Variants in TRAPPC10 observed in about 807,000 individuals in gnomAD.
TRAPPC10 encodes TRAPP 130 kDa subunit.
TRAPPC10 carries 23 observed loss-of-function variants against 125.5 expected under a neutral mutation model. The observed-to-expected ratio is 0.18, with a 90% CI of 0.13 to 0.26. The LOEUF (loss-of-function observed/expected upper bound fraction) is 0.26, where lower values mean the gene tolerates loss of function less well. Among genes scored for constraint, TRAPPC10 ranks in the 10% least tolerant of loss-of-function variants. The pLI is 1.00. For missense variants in TRAPPC10, 1,123 were observed against 1,308.4 expected, an observed-to-expected ratio of 0.86 and a Z score of 2.19; for synonymous variants, 509 against 518.0, an observed-to-expected ratio of 0.98 and a Z score of 0.24.
chr21:44,070,564 T>C (rs555768763), intron 7 of TRAPPC10, among the ~76,000 whole-genome samples: 234 of 152,356 alleles, frequency 1.5e-3, no homozygotes, highest in Admixed American at 2.4e-3. Context: ...GATGCCACCA[T>C]AGAGGCATGG....
intron 1 of TRAPPC10, among the ~76,000 whole-genome samples, chr21:44,022,822 C>A (rs935564854): frequency 1.3e-5 from 2 of 151,722 alleles, no homozygotes; most frequent in Non-Finnish European, 2.9e-5. Context: ...GTCCCACTGC[C>A]TAGACTTTGG....
chr21:44,088,795 C>CCTGACA (rs2038342478), intron 17 of TRAPPC10: 1 of 154,176 alleles, frequency 6.5e-6, no homozygotes, highest in African/African-American at 2.5e-5. Flanking sequence ...CCCACTCTTC[C>CCTGACA]CTGGCGCTGG....
At chr21:44,086,683 T>C in intron 15 of TRAPPC10, 119 bp from the exon 16 acceptor site, 1 of 1,117,900 alleles carries the variant, frequency 8.9e-7, no homozygotes, top group South Asian at 1.4e-5. Flanking sequence ...TTCATGGAGA[T>C]CCCAAAGGAG....
At position 44,084,374 on chromosome 21, in the gene TRAPPC10, T is replaced by G. The variant is rs952279112; in HGVS notation, c.2380+111T>G. The G allele has an allele frequency of 1.4e-5, 16 of 1,111,322 alleles. No homozygotes were observed. In the African/African-American group the frequency reaches 1.4e-4, roughly 10 times the overall value. The allele number at this position is 1,111,322 out of a possible 1,614,324, so 68.8% of individuals were successfully genotyped here. A position where few individuals can be genotyped will look rare whatever the true frequency, so the allele number is the denominator to read the frequency against. On this transcript the variant is annotated intron_variant, in intron 15 of 22. Coordinates refer to ENST00000291574, the MANE Select transcript of TRAPPC10 (RefSeq NM_003274.5). ...TTTAGCTGTGTCTGCCTTTAAGAGA[T>G]ATTTTGGGTAACATAATGGAAATTT...
At chr21:44,041,245 T>C (rs1379413303) in intron 3 of TRAPPC10, among the ~76,000 whole-genome samples, 1 of 152,204 alleles carries the variant, frequency 6.6e-6, no homozygotes, top group African/African-American at 2.4e-5. Context: ...AGGTACTTTT[T>C]TGTAACTCTT....
intron 13 of TRAPPC10, 126 bp downstream of exon 13, chr21:44,080,253 A>G (rs939525990): frequency 2.5e-6 from 2 of 799,258 alleles, no homozygotes; most frequent in Non-Finnish European, 4.0e-6. Context: ...GCTGACATGT[A>G]TCTATGTCTT....
chr21:44,085,688 C>G (rs2038078588), intron 15 of TRAPPC10, among the ~76,000 whole-genome samples: 3 of 147,364 alleles, frequency 2.0e-5, no homozygotes, highest in African/African-American at 7.8e-5. Context: ...GCGTGGGTGA[C>G]AGAACAAAAC....
In TRAPPC10 at chr21:44,025,821, G is replaced by GGTGTGTGTGT. The variant is rs59898602; in HGVS notation, c.68-6219_68-6210dup. On this transcript the variant is annotated intron_variant, in intron 1 of 22. Transcript: ENST00000291574. ...CTGGGAGAGAGCAGCAGAGGGCAGG[G>GGTGTGTGTGT]GTGTGTGTGTGTGTGTGTGTGTGTG... Among the ~76,000 whole-genome samples the GGTGTGTGTGT allele has an allele frequency of 2.5e-4, 28 of 109,934 alleles. 1 individual carries two copies. The highest frequency in any genetic ancestry group is 5.5e-4 in the East Asian group (2 of 3,626). The allele number at this position is 109,934 out of a possible 152,430, so 72.1% of individuals were successfully genotyped here.
At chr21:44,013,807 A>C (rs1378702252) in intron 1 of TRAPPC10, among the ~76,000 whole-genome samples, 1 of 151,858 alleles carries the variant, frequency 6.6e-6, no homozygotes, top group African/African-American at 2.4e-5. Flanking sequence ...AAAATTGGAG[A>C]CTTGCATAGT....
intron 1 of TRAPPC10, among the ~76,000 whole-genome samples, chr21:44,030,855 A>G (rs1269965553): frequency 6.6e-6 from 1 of 152,254 alleles, no homozygotes; most frequent in Admixed American, 6.5e-5. Context: ...TGTTAACAAA[A>G]TGTAGTAATA....
intron 7 of TRAPPC10, among the ~76,000 whole-genome samples, chr21:44,065,816 G>A (rs1407082083): frequency 6.6e-6 from 1 of 152,298 alleles, no homozygotes; most frequent in Non-Finnish European, 1.5e-5. Flanking sequence ...AGAGGGCTTC[G>A]CTGGTAACTT....
chr21:44,086,971 G>A lies in TRAPPC10; in HGVS notation c.2539+11G>A, dbSNP rs773239618. On this transcript the variant is annotated intron_variant, in intron 16 of 22. Coordinates refer to ENST00000291574, the MANE Select transcript of TRAPPC10 (RefSeq NM_003274.5). The stretch of plus-strand genomic sequence containing the variant: ...ACTCCAACACGAGAGGTGAGGTGCC[G>A]CCCACCCAGGCCCAAGGAGGATGCC... The A allele has an allele frequency of 7.4e-6, 12 of 1,612,838 alleles. No individual in the cohort carries two copies. The highest frequency in any genetic ancestry group is 5.5e-5 in the South Asian group (5 of 90,970).
chr21:44,095,132 C>G (rs1222970746), intron 20 of TRAPPC10, among the ~76,000 whole-genome samples: 1 of 150,994 alleles, frequency 6.6e-6, no homozygotes, highest in Non-Finnish European at 1.5e-5. Context: ...TCACTGCAGC[C>G]TGGACCTTCT....
chr21:44,046,696 C>T (rs1355213016), intron 3 of TRAPPC10: 4 of 307,812 alleles, frequency 1.3e-5, no homozygotes, highest in Non-Finnish European at 1.8e-5. Flanking sequence ...TTAGTAGAGA[C>T]GGGGTTTCTC....
chr21:44,081,702 C>CA, intron 13 of TRAPPC10, among the ~76,000 whole-genome samples: 1 of 152,228 alleles, frequency 6.6e-6, no homozygotes, highest in Non-Finnish European at 1.5e-5. Context: ...GCCTGGGCAA[C>CA]ATGGCGAAAC....
chr21:44,095,218 T>G, intron 20 of TRAPPC10, among the ~76,000 whole-genome samples: 1 of 150,428 alleles, frequency 6.6e-6, no homozygotes, highest in South Asian at 2.1e-4. Context: ...TGGCTAATTA[T>G]TTTTATTTTA....
chr21:44,047,334 C>T (rs2034905743), intron 3 of TRAPPC10, among the ~76,000 whole-genome samples: 1 of 152,114 alleles, frequency 6.6e-6, no homozygotes, highest in Non-Finnish European at 1.5e-5. Flanking sequence ...GCGTGTGCCA[C>T]CGTACCCGGC....
At chr21:44,025,328 C>A (rs960177962) in intron 1 of TRAPPC10, among the ~76,000 whole-genome samples, 1 of 152,208 alleles carries the variant, frequency 6.6e-6, no homozygotes, top group Non-Finnish European at 1.5e-5. Flanking sequence ...AGTTTGGGAA[C>A]CCTTCTGTCT....
chr21:44,043,617 G>A (rs1297925026), intron 3 of TRAPPC10, among the ~76,000 whole-genome samples: 1 of 152,102 alleles, frequency 6.6e-6, no homozygotes, highest in East Asian at 1.9e-4. Context: ...ATTTTCTGAA[G>A]ATGGCTGTAG....
Sources: allele counts gnomAD v4.1 joint callset (sites outside exome capture counted in the v4.1 genomes callset), GRCh38; gene constraint gnomAD v4.1.1; transcripts MANE v1.5; gene names NCBI Gene and HGNC (gene_info 2026-07-23, HGNC 2026-07-21).